The following COL6A6 variants were observed in gnomAD, a reference collection of about 807,000 sequenced individuals.
COL6A6 encodes collagen alpha-6(VI) chain.
Under a neutral mutation model 208.6 loss-of-function variants are expected in COL6A6, and 183 were observed. The ratio of observed to expected loss-of-function variants is 0.88; its 90% CI spans 0.78 to 0.99. The LOEUF (loss-of-function observed/expected upper bound fraction) is 0.99, where lower values mean the gene tolerates loss of function less well. Among genes scored for constraint, COL6A6 ranks in the 50% least tolerant of loss-of-function variants. The probability of loss-of-function intolerance (pLI) is 0.00; values close to 1 mark genes in which losing one functional copy is unlikely to be tolerated. For synonymous variants in COL6A6, 973 were observed against 1,011.8 expected (o/e 0.96, Z 0.73); for missense variants, 2,816 against 2,815.2 (o/e 1.00, Z -0.01).
Position 130,567,167 on chromosome 3 carries a change from T to C in COL6A6, c.1748T>C (p.Ile583Thr). The change falls in exon 5 of 37, where the codon ATT becomes ACT. Residue 583 changes from isoleucine (I) to threonine (T), a missense_variant. By Grantham distance (89) the Ile-to-Thr change is moderately conservative (BLOSUM62 -1). Transcript: ENST00000358511. Reference sequence around the variant, plus strand: ...GCCAACCAAACACAGCTGAGAGAAATTGCAGGAGAGGAAAAGAGAGTGTAT... The same window carrying C: ...GCCAACCAAACACAGCTGAGAGAAACTGCAGGAGAGGAAAAGAGAGTGTAT... ...KEANQTQLRE[I>T]AGEEKRVYYV... 6.2e-7 allele frequency: 1 copy of C among 1,613,676 alleles called. No individual in the cohort carries two copies. The highest frequency in any genetic ancestry group is 8.5e-7 in the Non-Finnish European group (1 of 1,179,842).
chr3:130,666,456 C>T (rs538735283), intron 36 of COL6A6, among the ~76,000 whole-genome samples: 3 of 151,714 alleles, frequency 2.0e-5, no homozygotes, highest in South Asian at 2.1e-4. Context: ...AGGGTGTGTG[C>T]GTGAATGAAT....
At chr3:130,536,673 C>T (rs1401531952) in intron 1 of COL6A6, among the ~76,000 whole-genome samples, 2 of 152,054 alleles carry the variant, frequency 1.3e-5, no homozygotes, top group Non-Finnish European at 2.9e-5. Context: ...ATGTCCTGTT[C>T]AAGGAAAAGT....
At chr3:130,546,844 T>TG (rs1263214267) in intron 1 of COL6A6, among the ~76,000 whole-genome samples, 1 of 152,180 alleles carries the variant, frequency 6.6e-6, no homozygotes, top group Non-Finnish European at 1.5e-5. Flanking sequence ...ACACAAAAGT[T>TG]CTTCAAGTCC....
intron 33 of COL6A6, among the ~76,000 whole-genome samples, chr3:130,654,352 C>G (rs2108428385): frequency 6.6e-6 from 1 of 152,284 alleles, no homozygotes; most frequent in South Asian, 2.1e-4. Flanking sequence ...CTTGGCCCTT[C>G]CCAGGTAGTC....
intron 24 of COL6A6, 49 bp downstream of exon 24, chr3:130,621,932 A>T: frequency 6.7e-7 from 1 of 1,483,272 alleles, no homozygotes; most frequent in Non-Finnish European, 9.4e-7. Context: ...TCTGCTCAAG[A>T]GAACTGTGTC....
intron 36 of COL6A6, among the ~76,000 whole-genome samples, chr3:130,672,274 T>C (rs1401660216): frequency 6.6e-6 from 1 of 152,222 alleles, no homozygotes; most frequent in East Asian, 1.9e-4. Flanking sequence ...TGAGCACAAG[T>C]TGCAAAATAG....
chr3:130,541,884 T>C (rs1326257988), intron 1 of COL6A6, among the ~76,000 whole-genome samples: 1 of 152,236 alleles, frequency 6.6e-6, no homozygotes, highest in African/African-American at 2.4e-5. Flanking sequence ...TGTGTGAGTT[T>C]TGGCAGCTTG....
intron 28 of COL6A6, among the ~76,000 whole-genome samples, chr3:130,639,191 G>GAACA: frequency 6.6e-6 from 1 of 152,064 alleles, no homozygotes; most frequent in Non-Finnish European, 1.5e-5. Flanking sequence ...TCAAGAGCTT[G>GAACA]TTATTGTTCT....
intron 1 of COL6A6, among the ~76,000 whole-genome samples, chr3:130,537,314 C>T (rs1488116697): frequency 2.0e-5 from 3 of 152,150 alleles, no homozygotes; most frequent in African/African-American, 7.2e-5. Flanking sequence ...TGGTACTCAT[C>T]GGGTTGTTGA....
chr3:130,539,619 C>T lies in COL6A6; in HGVS notation c.-31-20715C>T, dbSNP rs1392538511. On this transcript the variant is annotated intron_variant, in intron 1 of 36. Transcript: ENST00000358511. ...CTGCACTCCCGCCTGGACAACAGAG[C>T]GAGACTCCGTCTCAAAAAAAAAAAA... is the stretch of plus-strand genomic sequence containing the variant. Among the ~76,000 whole-genome samples, 6 of 135,172 alleles carry T rather than the reference C, an allele frequency of 4.4e-5. No homozygotes were observed. The South Asian group carries it at 9.7e-4, about 22-fold the overall frequency. The allele number at this position is 135,172 out of a possible 152,430, so 88.7% of individuals were successfully genotyped here. A position where few individuals can be genotyped will look rare whatever the true frequency, so the allele number is the denominator to read the frequency against.
intron 8 of COL6A6, among the ~76,000 whole-genome samples, chr3:130,578,465 G>A (rs1017268485): frequency 6.6e-6 from 1 of 152,104 alleles, no homozygotes; most frequent in African/African-American, 2.4e-5. Flanking sequence ...GAAGTGATGC[G>A]GGAAAGGAGG....
chr3:130,666,009 AG>A (rs1245758073), intron 36 of COL6A6, among the ~76,000 whole-genome samples: 1 of 152,210 alleles, frequency 6.6e-6, no homozygotes, highest in Non-Finnish European at 1.5e-5. Flanking sequence ...GGTGGACCTC[AG>A]ATAGGATGTT....
At chr3:130,673,076 G>A (rs2108498835) in intron 36 of COL6A6, among the ~76,000 whole-genome samples, 1 of 147,472 alleles carries the variant, frequency 6.8e-6, no homozygotes, top group East Asian at 2.0e-4. Flanking sequence ...CTACTCACGA[G>A]GCTGAGGTAG....
In COL6A6 at chr3:130,523,432, A is replaced by G. The variant is rs139937376; in HGVS notation, c.-32+6035A>G. 3.6e-3 allele frequency among the ~76,000 whole-genome samples: 555 copies of G among 152,292 alleles called. 6 individuals are homozygous for G. The highest frequency in any genetic ancestry group is 0.024 in the Middle Eastern group (7 of 294). ...TGCCAGCTACTGAAGTATCTGTTGT[A>G]TGAATAATGAGCTGAAATCAGGTTC... On this transcript the variant is annotated intron_variant, in intron 1 of 36. Transcript: ENST00000358511.
At chr3:130,543,053 G>A (rs778718607) in intron 1 of COL6A6, among the ~76,000 whole-genome samples, 1 of 151,758 alleles carries the variant, frequency 6.6e-6, no homozygotes. Context: ...TTATAAGCAC[G>A]TGCCACCATG....
chr3:130,675,311 G>A lies in COL6A6; in HGVS notation c.6706G>A (p.Asp2236Asn). Residue 2236 changes from aspartate to asparagine, a missense_variant, in exon 37 of 37, where the codon GAT becomes AAT. By Grantham distance (23) the Asp-to-Asn change is conservative. Transcript: ENST00000358511. ...LSRVARSGRD[D>N]AIQNFMRSTS... The stretch of plus-strand genomic sequence containing the variant: ...AAGAGTAGCAAGAAGTGGCAGAGAT[G>A]ATGCTATTCAAAATTTTATGAGAAG... 6.3e-7 allele frequency: 1 copy of A among 1,597,082 alleles called. No homozygotes were observed. Among genetic ancestry groups the A allele is most frequent in the Non-Finnish European group, 8.5e-7 (1 of 1,170,896 alleles).
chr3:130,605,032 T>G (rs2064142402), intron 20 of COL6A6, among the ~76,000 whole-genome samples: 1 of 152,210 alleles, frequency 6.6e-6, no homozygotes, highest in Admixed American at 6.5e-5. Context: ...CTTCCCTTTC[T>G]TCTCACACTT....
In COL6A6 at chr3:130,662,235, G is replaced by C. The variant is rs2065955714; in HGVS notation, c.6429G>C (p.Gln2143His). 3 of 1,614,006 alleles carry C rather than the reference G, an allele frequency of 1.9e-6. No homozygotes were observed. The highest frequency in any genetic ancestry group is 2.5e-6 in the Non-Finnish European group (3 of 1,179,878). ...ASHPLDHHLV[Q>H]LGRIHKPDHS... Reference sequence around the variant, plus strand: ...ACCCTTTGGATCACCACCTGGTCCAGCTTGGCCGAATTCATAAACCTGACC... The same window carrying C: ...ACCCTTTGGATCACCACCTGGTCCACCTTGGCCGAATTCATAAACCTGACC... The change falls in exon 35 of 37, where the codon CAG becomes CAC. Residue 2143 changes from glutamine to histidine, a missense_variant. Physicochemically the swap from Gln to His is conservative, Grantham distance 24. Coordinates refer to ENST00000358511, the MANE Select transcript of COL6A6 (RefSeq NM_001102608.3).
In COL6A6 at chr3:130,594,269, T is replaced by C; in HGVS notation, c.4471-12T>C. The C allele has an allele frequency of 6.2e-7, 1 of 1,601,014 alleles. No individual in the cohort carries two copies. Among genetic ancestry groups the C allele is most frequent in the Non-Finnish European group, 8.6e-7 (1 of 1,168,566 alleles). On this transcript the variant is annotated splice_polypyrimidine_tract_variant and intron_variant, in intron 17 of 36. Coordinates refer to ENST00000358511, the MANE Select transcript of COL6A6 (RefSeq NM_001102608.3). ...CTTGTCTTGTTTTTCTTCTGATTTG[T>C]ATTAACTTTAGGGAAGCCCAGGGAA...
Sources: gnomAD v4.1 joint callset for allele counts (sites outside exome capture counted in the v4.1 genomes callset) on GRCh38, gnomAD v4.1.1 for gene constraint, MANE v1.5 for transcripts, NCBI Gene and HGNC (gene_info 2026-07-23, HGNC 2026-07-21) for gene names.